The following REPS2 variants were observed in gnomAD, a reference collection of about 807,000 sequenced individuals.
REPS2 encodes ralBP1-associated Eps domain-containing protein 2.
A neutral mutation model predicts 53.6 loss-of-function variants in REPS2; 23 were observed. That is an observed-to-expected ratio of 0.43 (90% CI 0.31 to 0.61). The LOEUF (loss-of-function observed/expected upper bound fraction) is 0.61. Among genes scored for constraint, REPS2 ranks in the 20% least tolerant of loss-of-function variants. REPS2 has a pLI of 0.11. For synonymous variants in REPS2, 238 were observed against 218.6 expected (o/e 1.09, Z -0.78); for missense variants, 446 against 534.9 (o/e 0.83, Z 1.64).
Position 16,946,999 on chromosome X carries a change from C to T in REPS2, c.138C>T (p.Ala46=). ...QCYSELFARC[A]GAAGGGPGSG... is the part of the protein sequence containing the mutation. ...ACTCCGAGCTCTTCGCGCGCTGTGC[C>T]GGCGCCGCGGGCGGGGGCCCCGGGT... The change falls in exon 1 of 18, where the codon GCC becomes GCT. Residue 46 remains alanine, a synonymous_variant. Transcript: ENST00000357277. 2 of 934,197 alleles carry T rather than the reference C, an allele frequency of 2.1e-6. No homozygotes were observed. The highest frequency in any genetic ancestry group is 9.6e-5 in the South Asian group (2 of 20,736). 77.0% of individuals were successfully genotyped at this position (934,197 alleles called of 1,213,427 possible).
chrX:17,117,589 A>T (rs925504978), intron 14 of REPS2, among the ~76,000 whole-genome samples: 6 of 111,065 alleles, frequency 5.4e-5, no homozygotes, highest in African/African-American at 2.0e-4. Context: ...CCATGTCCCT[A>T]CAAAGGACAT....
chrX:17,005,514 A>G (rs2061353862), intron 1 of REPS2, among the ~76,000 whole-genome samples: 1 of 111,354 alleles, frequency 9.0e-6, no homozygotes. Context: ...ACACTGTATC[A>G]TGTGATGGAC....
chrX:17,003,640 A>T (rs960365448), intron 1 of REPS2, among the ~76,000 whole-genome samples: 4 of 111,043 alleles, frequency 3.6e-5, no homozygotes, highest in South Asian at 7.6e-4. Flanking sequence ...GAGAGTAGAA[A>T]ATGGGGTGCT....
intron 1 of REPS2, among the ~76,000 whole-genome samples, chrX:16,961,904 T>G (rs945657431): frequency 8.9e-6 from 1 of 112,091 alleles, no homozygotes; most frequent in African/African-American, 3.2e-5. Flanking sequence ...TCAGTATCAC[T>G]AATCATAAGG....
chrX:16,965,605 T>G (rs1602528553), intron 1 of REPS2, among the ~76,000 whole-genome samples: 1 of 106,292 alleles, frequency 9.4e-6, no homozygotes, highest in African/African-American at 3.5e-5. Flanking sequence ...AGGGCAGAGG[T>G]GCTCCCCACA....
the REPS2 span, among the ~76,000 whole-genome samples, chrX:17,164,740 A>T: frequency 3.6e-5 from 4 of 111,864 alleles, no homozygotes; most frequent in Non-Finnish European, 5.6e-5. Flanking sequence ...CACTGTTAGA[A>T]AATTAGAAAA....
chrX:17,087,519 G>A (rs1417618450), intron 13 of REPS2, among the ~76,000 whole-genome samples: 1 of 112,357 alleles, frequency 8.9e-6, no homozygotes, highest in Non-Finnish European at 1.9e-5. Context: ...GTAGGGTTAA[G>A]CCAGATTGCA....
intron 13 of REPS2, among the ~76,000 whole-genome samples, chrX:17,084,347 C>G (rs929496074): frequency 4.5e-5 from 5 of 112,020 alleles, no homozygotes; most frequent in Non-Finnish European, 7.5e-5. Flanking sequence ...TTGTGAATAA[C>G]TCTGCTATAG....
chrX:17,067,307 C>A (rs1469520801), intron 9 of REPS2, among the ~76,000 whole-genome samples: 1 of 111,287 alleles, frequency 9.0e-6, no homozygotes, highest in Non-Finnish European at 1.9e-5. Flanking sequence ...GTATAATTGA[C>A]AAAAAATATA....
At chrX:17,161,743 T>C in the REPS2 span, among the ~76,000 whole-genome samples, 1 of 111,864 alleles carries the variant, frequency 8.9e-6, no homozygotes, top group East Asian at 2.8e-4. Context: ...GGCAATTTGC[T>C]ACAGCATCAA....
rs2062395535 is a variant in REPS2, at chrX:17,077,358, C to T, written c.1467C>T (p.Ser489=). ...TPPPRPQKTH[S]RASSLDLNKV... is the part of the protein sequence containing the mutation. ...CACCTCGGCCACAGAAAACCCATTC[C>T]AGAGCCTCCTCCTTGGATCTGAATA... Residue 489 remains serine, a synonymous_variant, in exon 13 of 18, where the codon TCC becomes TCT. Coordinates refer to ENST00000357277, the MANE Select transcript of REPS2 (RefSeq NM_004726.3). 2 of 1,210,913 alleles carry T rather than the reference C, an allele frequency of 1.7e-6. No homozygotes were observed. Among genetic ancestry groups the T allele is most frequent in the Non-Finnish European group, 2.2e-6 (2 of 895,067 alleles).
intron 1 of REPS2, among the ~76,000 whole-genome samples, chrX:16,958,535 G>C (rs996665115): frequency 8.9e-6 from 1 of 111,877 alleles, no homozygotes; most frequent in African/African-American, 3.2e-5. Flanking sequence ...GACCTGGTGG[G>C]GCAAAGGGAG....
chrX:16,998,635 A>G (rs2061261897), intron 1 of REPS2, among the ~76,000 whole-genome samples: 1 of 111,866 alleles, frequency 8.9e-6, no homozygotes, highest in East Asian at 2.8e-4. Flanking sequence ...GATTTTAGGT[A>G]ACTCATGGAA....
intron 2 of REPS2, among the ~76,000 whole-genome samples, chrX:17,019,350 A>G (rs2061540565): frequency 8.9e-6 from 1 of 112,458 alleles, no homozygotes; most frequent in South Asian, 3.6e-4. Flanking sequence ...CAGACCCTCT[A>G]AACATTTAGT....
At chrX:17,187,884 C>T in the REPS2 span, among the ~76,000 whole-genome samples, 1 of 112,640 alleles carries the variant, frequency 8.9e-6, no homozygotes, top group Non-Finnish European at 1.9e-5. Context: ...GGAAGCTTCA[C>T]ATCACCAGTT....
intron 2 of REPS2, among the ~76,000 whole-genome samples, chrX:17,011,303 A>G (rs1408000361): frequency 3.6e-5 from 4 of 111,749 alleles, no homozygotes; most frequent in African/African-American, 1.3e-4. Flanking sequence ...CAGCTAGGGC[A>G]GAAGGAAAGA....
At chrX:17,006,819 C>T (rs749095780) in intron 2 of REPS2, among the ~76,000 whole-genome samples, 1 of 111,691 alleles carries the variant, frequency 9.0e-6, no homozygotes, top group South Asian at 3.7e-4. Flanking sequence ...TTGGGTGCTA[C>T]CAAAATTTTG....
At chrX:16,969,933 C>T (rs1044367395) in intron 1 of REPS2, among the ~76,000 whole-genome samples, 35 of 112,017 alleles carry the variant, frequency 3.1e-4, no homozygotes, top group African/African-American at 1.0e-3. Flanking sequence ...GTAATTATAA[C>T]CCTCTATTTA....
intron 13 of REPS2, among the ~76,000 whole-genome samples, chrX:17,080,290 A>C (rs1192849640): frequency 1.4e-5 from 1 of 72,669 alleles, no homozygotes; most frequent in Non-Finnish European, 2.5e-5. Flanking sequence ...TTCCTTTCTC[A>C]CCCTTGCAAA....
Sources: gnomAD v4.1 joint callset for allele counts (sites outside exome capture counted in the v4.1 genomes callset) on GRCh38, gnomAD v4.1.1 for gene constraint, MANE v1.5 for transcripts, NCBI Gene and HGNC (gene_info 2026-07-23, HGNC 2026-07-21) for gene names.